ITGB6: variants seen among roughly 807,000 people sequenced by gnomAD.
ITGB6 encodes the protein integrin subunit beta 6.
In ITGB6, 80 loss-of-function variants were observed where a neutral mutation model predicts 84.5. That is an observed-to-expected ratio of 0.95 (90% CI 0.79 to 1.14). ITGB6 has a LOEUF of 1.14. Among genes scored for constraint, ITGB6 ranks in the 50% most tolerant of loss-of-function variants. The pLI is 0.00. For synonymous variants in ITGB6, 383 were observed against 354.9 expected (o/e 1.08, Z -0.89); for missense variants, 1,006 against 968.0 (o/e 1.04, Z -0.52).
In ITGB6 at chr2:160,196,302, T is replaced by C. The variant is rs759659602; in HGVS notation, c.260A>G (p.Asn87Ser). Reference protein sequence around the residue: ...NPVSQVEILKNKPLSVGRQKN... With the variant: ...NPVSQVEILKSKPLSVGRQKN... Reference sequence around the variant, plus strand: ...CTGTCTGCCTACACTGAGAGGCTTATTTTTAAGTATTTCTACTTGGGAGAC... The same window carrying C: ...CTGTCTGCCTACACTGAGAGGCTTACTTTTAAGTATTTCTACTTGGGAGAC... The change falls in exon 3 of 15, where the codon AAT becomes AGT. Residue 87 changes from asparagine to serine, a missense_variant. Transcript: ENST00000283249. 25 of 1,613,954 alleles carry C rather than the reference T, an allele frequency of 1.5e-5. No homozygotes were observed. Among genetic ancestry groups the C allele is most frequent in the Non-Finnish European group, 2.0e-5 (24 of 1,179,946 alleles).
chr2:160,160,805 C>A (rs1353782551), intron 7 of ITGB6, among the ~76,000 whole-genome samples: 1 of 152,112 alleles, frequency 6.6e-6, no homozygotes, highest in East Asian at 1.9e-4. Flanking sequence ...CTCACAGACA[C>A]CACATAGAGT....
At chr2:160,118,265 A>C (rs1298470281) in intron 12 of ITGB6, among the ~76,000 whole-genome samples, 1 of 152,258 alleles carries the variant, frequency 6.6e-6, no homozygotes. Context: ...AAAATCCTCA[A>C]TAAAATACTG....
chr2:160,134,489 G>A (rs1683619728), intron 10 of ITGB6, among the ~76,000 whole-genome samples: 1 of 152,112 alleles, frequency 6.6e-6, no homozygotes, highest in African/African-American at 2.4e-5. Context: ...AGGAGGAGCT[G>A]GTACCATTCC....
rs542941464 is a variant in ITGB6 at position 160,129,936 on chromosome 2, AT to A, written c.1661-3336del. Among the ~76,000 whole-genome samples, 15 of 152,172 alleles carry A rather than the reference AT, an allele frequency of 9.9e-5. No individual in the cohort carries two copies. In the East Asian group the frequency reaches 2.9e-3, roughly 29 times the overall value. ...TATATATGTGTGTGTGTATATATATATGTATATGTGTGTATACACACACACA... is the reference window on the plus strand; with the variant it reads ...TATATATGTGTGTGTGTATATATATAGTATATGTGTGTATACACACACACA... On this transcript the variant is annotated intron_variant, in intron 10 of 14. Coordinates refer to ENST00000283249, the MANE Select transcript of ITGB6 (RefSeq NM_000888.5).
chr2:160,177,091 T>C (rs1438388129), intron 4 of ITGB6, among the ~76,000 whole-genome samples: 1 of 152,186 alleles, frequency 6.6e-6, no homozygotes. Context: ...CATGGCATCA[T>C]TGTTTTTTTT....
At chr2:160,131,804 T>C (rs1683480306) in intron 10 of ITGB6, among the ~76,000 whole-genome samples, 1 of 152,176 alleles carries the variant, frequency 6.6e-6, no homozygotes, top group African/African-American at 2.4e-5. Flanking sequence ...CTGTACCTGA[T>C]TCAAAAGAGA....
chr2:160,137,384 T>C, intron 10 of ITGB6, 50 bp downstream of exon 10: 1 of 1,544,008 alleles, frequency 6.5e-7, no homozygotes. Context: ...CCAAGCCCCT[T>C]GCTGATACTT....
At chr2:160,101,981 T>C in intron 14 of ITGB6, 147 bp from the exon 15 acceptor site, 1 of 602,024 alleles carries the variant, frequency 1.7e-6, no homozygotes, top group East Asian at 2.8e-5. Context: ...TTCATATGTT[T>C]AGTGTTTTGC....
At chr2:160,168,234 C>T (rs1392051997) in intron 7 of ITGB6, among the ~76,000 whole-genome samples, 1 of 152,178 alleles carries the variant, frequency 6.6e-6, no homozygotes, top group Non-Finnish European at 1.5e-5. Context: ...ATCCTTTCTA[C>T]AGAACCTGAT....
intron 12 of ITGB6, among the ~76,000 whole-genome samples, chr2:160,117,913 A>G (rs1682857014): frequency 6.6e-6 from 1 of 152,222 alleles, no homozygotes; most frequent in Non-Finnish European, 1.5e-5. Context: ...TGGAAAATCT[A>G]GAAGAAATGG....
In ITGB6 at chr2:160,137,844, A is replaced by C. The variant is rs1312246698; in HGVS notation, c.1250T>G (p.Phe417Cys). 2 of 1,612,642 alleles carry C rather than the reference A, an allele frequency of 1.2e-6. No individual in the cohort carries two copies. The highest frequency in any genetic ancestry group is 4.5e-5 in the East Asian group (2 of 44,868). ...GTGTGGGATATTCACAGTCACGCTG[A>C]AGGAAGCCTGGAAAAGAAAATACTA... is the stretch of plus-strand genomic sequence containing the variant. ...SHMKVGDTASFSVTVNIPHCE... is the reference protein window; with the variant it reads ...SHMKVGDTASCSVTVNIPHCE... The change falls in exon 10 of 15, where the codon TTC becomes TGC. Residue 417 changes from phenylalanine (F) to cysteine (C), a missense_variant. Transcript: ENST00000283249.
At chr2:160,171,239 A>T (rs1685187078) in intron 6 of ITGB6, among the ~76,000 whole-genome samples, 1 of 152,062 alleles carries the variant, frequency 6.6e-6, no homozygotes, top group Admixed American at 6.5e-5. Context: ...TTGTTCTAAG[A>T]AGTCACTTAA....
chr2:160,137,355 C>T (rs1006181838), intron 10 of ITGB6, 79 bp downstream of exon 10: 9 of 1,352,270 alleles, frequency 6.7e-6, no homozygotes, highest in Non-Finnish European at 8.2e-6. Context: ...GCCCAGGAAA[C>T]TGGAAGGTGC....
At chr2:160,185,462 G>A (rs1439082245) in intron 4 of ITGB6, among the ~76,000 whole-genome samples, 1 of 152,094 alleles carries the variant, frequency 6.6e-6, no homozygotes, top group Non-Finnish European at 1.5e-5. Context: ...CACTGCTCAA[G>A]GAATAAGAGA....
chr2:160,175,462 G>A (rs1464503346), intron 4 of ITGB6, among the ~76,000 whole-genome samples: 2 of 152,174 alleles, frequency 1.3e-5, no homozygotes, highest in Non-Finnish European at 1.5e-5. Context: ...AATCAAACAC[G>A]GTGGTGCTCT....
intron 7 of ITGB6, among the ~76,000 whole-genome samples, chr2:160,153,173 C>G (rs1024817287): frequency 6.6e-6 from 1 of 152,166 alleles, no homozygotes; most frequent in South Asian, 2.1e-4. Flanking sequence ...GATCACGCTA[C>G]CTGACTTCAA....
At chr2:160,195,113 C>T (rs1686280713) in intron 4 of ITGB6, among the ~76,000 whole-genome samples, 1 of 152,210 alleles carries the variant, frequency 6.6e-6, no homozygotes, top group Admixed American at 6.5e-5. Context: ...GCATAACACG[C>T]ATTCTGGTTT....
chr2:160,128,365 C>T lies in ITGB6; in HGVS notation c.1661-1764G>A, dbSNP rs1459711327. On this transcript the variant is annotated intron_variant, in intron 10 of 14. Coordinates refer to ENST00000283249, the MANE Select transcript of ITGB6 (RefSeq NM_000888.5). The stretch of plus-strand genomic sequence containing the variant: ...CATAGAACTTTCCTATGGATACAGC[C>T]AAAGTTGCATATGGAGTGTGGCAGG... Among the ~76,000 whole-genome samples, 6 of 151,606 alleles carry T rather than the reference C, an allele frequency of 4.0e-5. No individual in the cohort carries two copies. In the East Asian group the frequency reaches 1.2e-3, roughly 29 times the overall value.
At chr2:160,134,194 T>C (rs991997308) in intron 10 of ITGB6, among the ~76,000 whole-genome samples, 35 of 152,044 alleles carry the variant, frequency 2.3e-4, no homozygotes, top group Admixed American at 2.6e-4. Context: ...AAGAATCAAA[T>C]AGATGCAACA....
Sources: gnomAD v4.1 joint callset for allele counts (sites outside exome capture counted in the v4.1 genomes callset) on GRCh38, gnomAD v4.1.1 for gene constraint, MANE v1.5 for transcripts, NCBI Gene and HGNC (gene_info 2026-07-23, HGNC 2026-07-21) for gene names.